The following NINL variants were observed in gnomAD, a reference collection of about 807,000 sequenced individuals.
The protein encoded by NINL is ninein-like protein.
In NINL, 153 loss-of-function variants were observed where a neutral mutation model predicts 160.3. That is an observed-to-expected ratio of 0.95 (90% CI 0.84 to 1.09). The LOEUF is 1.09. Ranked by LOEUF, NINL falls within the 50% of genes least tolerant of loss-of-function variation. The pLI is 0.00. For synonymous variants in NINL, 800 were observed against 734.8 expected (o/e 1.09, Z -1.43); for missense variants, 1,829 against 1,764.0 (o/e 1.04, Z -0.66).
intron 1 of NINL, among the ~76,000 whole-genome samples, chr20:25,553,601 G>A (rs1241287272): frequency 6.6e-6 from 1 of 152,208 alleles, no homozygotes; most frequent in South Asian, 2.1e-4. Context: ...GCATGAACAC[G>A]TGTCACAAGT....
At chr20:25,465,574 A>G (rs2062892765) in intron 19 of NINL, among the ~76,000 whole-genome samples, 1 of 152,070 alleles carries the variant, frequency 6.6e-6, no homozygotes, top group Admixed American at 6.5e-5. Flanking sequence ...CACAAGCAGA[A>G]GGGGTCCCCG....
chr20:25,462,147 G>A (rs768550657), intron 20 of NINL, among the ~76,000 whole-genome samples: 7 of 152,140 alleles, frequency 4.6e-5, no homozygotes, highest in African/African-American at 7.2e-5. Context: ...AACTGCCCTC[G>A]GGGAACTTTG....
chr20:25,493,308 G>A (rs570614646), intron 10 of NINL, among the ~76,000 whole-genome samples: 2 of 152,280 alleles, frequency 1.3e-5, no homozygotes, highest in Admixed American at 6.5e-5. Flanking sequence ...GAACGAAGTC[G>A]CTGGAGGTCA....
At chr20:25,473,728 C>G (rs1469346468) in intron 17 of NINL, among the ~76,000 whole-genome samples, 2 of 150,182 alleles carry the variant, frequency 1.3e-5, no homozygotes, top group African/African-American at 2.4e-5. Flanking sequence ...ATCAGCTGGG[C>G]ATGGTGGTGG....
chr20:25,464,363 G>A (rs1185784898), intron 19 of NINL, among the ~76,000 whole-genome samples: 1 of 152,188 alleles, frequency 6.6e-6, no homozygotes, highest in Non-Finnish European at 1.5e-5. Context: ...GTTGCAGTGA[G>A]CTGATATTGC....
At chr20:25,523,168 A>G (rs147913934) in intron 2 of NINL, among the ~76,000 whole-genome samples, 15 of 152,298 alleles carry the variant, frequency 9.8e-5, no homozygotes, top group African/African-American at 3.6e-4. Flanking sequence ...GTGAGAAGAA[A>G]AAGGTCCATA....
intron 5 of NINL, among the ~76,000 whole-genome samples, chr20:25,508,547 C>T (rs1203485548): frequency 6.6e-6 from 1 of 152,232 alleles, no homozygotes; most frequent in East Asian, 1.9e-4. Flanking sequence ...AGCCACTGAC[C>T]CTGCCCACAC....
At chr20:25,531,582 A>G (rs762230134) in intron 1 of NINL, among the ~76,000 whole-genome samples, 23 of 152,232 alleles carry the variant, frequency 1.5e-4, no homozygotes, top group African/African-American at 4.6e-4. Context: ...CCATGACTTC[A>G]GCCGGTCCCT....
chr20:25,559,909 G>C (rs1186876517), intron 1 of NINL, among the ~76,000 whole-genome samples: 1 of 151,776 alleles, frequency 6.6e-6, no homozygotes, highest in East Asian at 1.9e-4. Flanking sequence ...GCCCCGCCTT[G>C]CATGATGCCT....
chr20:25,533,199 T>C (rs2064497518), intron 1 of NINL, among the ~76,000 whole-genome samples: 1 of 152,104 alleles, frequency 6.6e-6, no homozygotes, highest in Non-Finnish European at 1.5e-5. Context: ...AGAATTCCAA[T>C]GTTCACACAC....
chr20:25,486,265 A>G (rs1242297245), intron 13 of NINL, among the ~76,000 whole-genome samples: 1 of 152,276 alleles, frequency 6.6e-6, no homozygotes, highest in African/African-American at 2.4e-5. Context: ...AAAAAAGGAA[A>G]GGGGAAATAT....
At chr20:25,556,804 G>C (rs923231875) in intron 1 of NINL, among the ~76,000 whole-genome samples, 2 of 152,202 alleles carry the variant, frequency 1.3e-5, no homozygotes, top group Non-Finnish European at 2.9e-5. Flanking sequence ...ATCATGCATG[G>C]ATACATATAT....
chr20:25,479,589 C>T (rs2063343420), intron 15 of NINL, among the ~76,000 whole-genome samples: 1 of 152,152 alleles, frequency 6.6e-6, no homozygotes, highest in African/African-American at 2.4e-5. Context: ...GGGCAGGGCT[C>T]GCCGGAGCTT....
At position 25,526,391 on chromosome 20, in the gene NINL, T is replaced by C. The variant is rs778703407; in HGVS notation, c.180+17A>G. ...GACCCCGTGCTTTCCTTTATGACAA[T>C]GAAGTCCAACACTCACCCTGGCGAA... On this transcript the variant is annotated intron_variant, in intron 2 of 23. Coordinates refer to ENST00000278886, the MANE Select transcript of NINL (RefSeq NM_025176.6). The C allele has an allele frequency of 2.5e-6, 4 of 1,597,946 alleles. No individual in the cohort carries two copies. The South Asian group carries it at 4.4e-5, about 18-fold the overall frequency.
At position 25,476,162 on chromosome 20, in the gene NINL, T is replaced by C. The variant is rs2063229268; in HGVS notation, c.3129A>G (p.Glu1043=). The C allele has an allele frequency of 6.2e-7, 1 of 1,614,184 alleles. No homozygotes were observed. Among genetic ancestry groups the C allele is most frequent in the Non-Finnish European group, 8.5e-7 (1 of 1,180,036 alleles). ...CCAGCGCTATTTTGGTCTCCCCCTC[T>C]TCTGGGGCAGCAAGCTGCTCCTGCC... ...GSWQEQLAAP[E]EGETKIALER... The change falls in exon 17 of 24, where the codon GAA becomes GAG. Residue 1043 remains glutamate (E), a synonymous_variant. Coordinates refer to ENST00000278886, the MANE Select transcript of NINL (RefSeq NM_025176.6).
rs1426211481 is a variant in NINL, at chr20:25,470,084, T to C, written c.3260A>G (p.His1087Arg). The C allele has an allele frequency of 2.5e-6, 4 of 1,613,962 alleles. No homozygotes were observed. The highest frequency in any genetic ancestry group is 2.5e-6 in the Non-Finnish European group (3 of 1,179,892). The change falls in exon 18 of 24, where the codon CAT becomes CGT. Residue 1087 changes from histidine to arginine, a missense_variant. Coordinates refer to ENST00000278886, the MANE Select transcript of NINL (RefSeq NM_025176.6). ...DLRENDRLEF[H>R]RLSEENTLLK... The stretch of plus-strand genomic sequence containing the variant: ...CAAAGTGTTTTCTTCAGAAAGTCTA[T>C]GGAACTCCAGTCTGCGTAAAAATTG...
chr20:25,490,564 A>G lies in NINL; in HGVS notation c.1486-579T>C, dbSNP rs1484845824. 3.4e-4 allele frequency among the ~76,000 whole-genome samples: 38 copies of G among 112,866 alleles called. 1 individual carries two copies. In the East Asian group the frequency reaches 3.8e-3, roughly 11 times the overall value. 74.0% of individuals were successfully genotyped at this position (112,866 alleles called of 152,430 possible). ...GACAGAGCGAGACTCCATCTCAAGG[A>G]AAAAAAAAAAAAAAAAAAGAAAGGG... On this transcript the variant is annotated intron_variant, in intron 11 of 23. Coordinates refer to ENST00000278886, the MANE Select transcript of NINL (RefSeq NM_025176.6).
At chr20:25,458,104 C>G (rs896750530) in intron 22 of NINL, among the ~76,000 whole-genome samples, 5 of 152,182 alleles carry the variant, frequency 3.3e-5, no homozygotes, top group African/African-American at 7.2e-5. Flanking sequence ...CCAAATACCC[C>G]CTACCCCAGG....
chr20:25,500,699 G>A, intron 8 of NINL, 141 bp downstream of exon 8: 1 of 704,520 alleles, frequency 1.4e-6, no homozygotes, highest in East Asian at 2.8e-5. Context: ...GTTTCTACCT[G>A]GACTTCCTTG....
Sources: gnomAD v4.1 joint callset for allele counts (sites outside exome capture counted in the v4.1 genomes callset) on GRCh38, gnomAD v4.1.1 for gene constraint, MANE v1.5 for transcripts, NCBI Gene and HGNC (gene_info 2026-07-23, HGNC 2026-07-21) for gene names.